Variants in SCFD2 observed in about 807,000 individuals in gnomAD.
SCFD2 encodes the protein sec1 family domain containing 2, also known as sec1 family domain-containing protein 2.
Under a neutral mutation model 58.9 loss-of-function variants are expected in SCFD2, and 54 were observed. The ratio of observed to expected loss-of-function variants is 0.92; its 90% CI spans 0.74 to 1.15. The LOEUF is 1.15. Among genes scored for constraint, SCFD2 ranks in the 50% most tolerant of loss-of-function variants. SCFD2 has a pLI of 0.00. For missense variants in SCFD2, 805 were observed against 836.6 expected, an observed-to-expected ratio of 0.96 and a Z score of 0.47; for synonymous variants, 321 against 335.9, an observed-to-expected ratio of 0.96 and a Z score of 0.49.
intron 5 of SCFD2, among the ~76,000 whole-genome samples, chr4:53,073,085 T>C (rs1278581150): frequency 6.8e-6 from 1 of 147,136 alleles, no homozygotes; most frequent in African/African-American, 2.7e-5. Context: ...ATGTACATAC[T>C]TTTTTTCCTT....
At chr4:53,094,083 G>T (rs1334796185) in intron 5 of SCFD2, among the ~76,000 whole-genome samples, 1 of 152,004 alleles carries the variant, frequency 6.6e-6, no homozygotes, top group Non-Finnish European at 1.5e-5. Flanking sequence ...CATTAGTAGG[G>T]GTATAACATT....
chr4:53,263,522 TG>T (rs1730890690), intron 4 of SCFD2, among the ~76,000 whole-genome samples: 1 of 152,192 alleles, frequency 6.6e-6, no homozygotes, highest in Admixed American at 6.5e-5. Context: ...TTTGCTCTTC[TG>T]GGTCTAGCCA....
At chr4:53,120,764 T>C (rs1725456302) in intron 5 of SCFD2, among the ~76,000 whole-genome samples, 2 of 152,054 alleles carry the variant, frequency 1.3e-5, no homozygotes. Flanking sequence ...AAGTTTAATG[T>C]CCCCCAGAAG....
intron 5 of SCFD2, among the ~76,000 whole-genome samples, chr4:53,045,560 A>G (rs1219720451): frequency 6.6e-6 from 1 of 152,188 alleles, no homozygotes; most frequent in East Asian, 1.9e-4. Flanking sequence ...CCTCTGTATA[A>G]TAAAACATAC....
chr4:53,250,806 T>C (rs1024277343), intron 4 of SCFD2, among the ~76,000 whole-genome samples: 11 of 152,196 alleles, frequency 7.2e-5, no homozygotes, highest in African/African-American at 2.4e-4. Context: ...AGATCTAAAA[T>C]TGACACCCTA....
At chr4:52,875,354 C>T (rs1206738619) in intron 8 of SCFD2, among the ~76,000 whole-genome samples, 2 of 152,226 alleles carry the variant, frequency 1.3e-5, no homozygotes, top group East Asian at 1.9e-4. Context: ...ATGTGCTTTG[C>T]AAGGGCCTGG....
Position 53,297,277 on chromosome 4 carries a change from C to A in SCFD2, c.1135+16359G>T, listed in dbSNP as rs149010928. On this transcript the variant is annotated intron_variant, in intron 3 of 8. Coordinates refer to ENST00000401642, the MANE Select transcript of SCFD2 (RefSeq NM_152540.4). The stretch of plus-strand genomic sequence containing the variant: ...ACTATTATTGTGTGGGAGTCTACAT[C>A]TCTTTGTAGGTCTCTAAGAACTTGC... Among the ~76,000 whole-genome samples the A allele has an allele frequency of 6.4e-4, 98 of 152,272 alleles. No individual in the cohort carries two copies. The East Asian group carries it at 0.016, about 25-fold the overall frequency.
intron 5 of SCFD2, among the ~76,000 whole-genome samples, chr4:52,988,833 A>T (rs73144995): frequency 0.015 from 2,285 of 152,236 alleles, 60 homozygotes; most frequent in African/African-American, 0.053. Context: ...CTCTAATTTA[A>T]TCTTGCTGTC....
At chr4:53,196,180 G>C (rs913570740) in intron 4 of SCFD2, among the ~76,000 whole-genome samples, 1 of 152,072 alleles carries the variant, frequency 6.6e-6, no homozygotes, top group Non-Finnish European at 1.5e-5. Context: ...AGAGTCTTTT[G>C]ACTCCTCTTT....
intron 5 of SCFD2, among the ~76,000 whole-genome samples, chr4:53,031,232 C>T (rs953913148): frequency 3.3e-5 from 5 of 152,180 alleles, no homozygotes; most frequent in South Asian, 2.1e-4. Context: ...AGAGCACATC[C>T]ACTCAAAGAC....
intron 5 of SCFD2, among the ~76,000 whole-genome samples, chr4:53,138,120 G>C (rs1725997983): frequency 6.6e-6 from 1 of 152,098 alleles, no homozygotes; most frequent in African/African-American, 2.4e-5. Context: ...TCATAATGGT[G>C]GTGGGAGAAA....
intron 5 of SCFD2, among the ~76,000 whole-genome samples, chr4:53,094,320 TC>T (rs1724556172): frequency 6.6e-6 from 1 of 152,018 alleles, no homozygotes. Flanking sequence ...AATTCTGGAG[TC>T]TAGAAGTCCA....
Position 52,920,786 on chromosome 4 carries a change from C to T in SCFD2, c.1646G>A (p.Gly549Glu), listed in dbSNP as rs983505033. 1 of 1,610,958 alleles carries T rather than the reference C, an allele frequency of 6.2e-7. No homozygotes were observed. The highest frequency in any genetic ancestry group is 1.3e-5 in the African/African-American group (1 of 74,710). The change falls in exon 6 of 9, where the codon GGA (glycine) becomes GAA (glutamate). Residue 549 changes from glycine (G) to glutamate (E), a missense_variant. Transcript: ENST00000401642. Reference sequence around the variant, plus strand: ...AAACTGTTTCAGGAGACTCCGAGCTCCAGCAATATCCCGAAGTGAAGTAAA... The same window carrying T: ...AAACTGTTTCAGGAGACTCCGAGCTTCAGCAATATCCCGAAGTGAAGTAAA... ...ELFTSLRDIA[G>E]ARSLLKQFKS...
chr4:52,971,821 G>C (rs1046152145), intron 5 of SCFD2, among the ~76,000 whole-genome samples: 1 of 152,164 alleles, frequency 6.6e-6, no homozygotes, highest in Non-Finnish European at 1.5e-5. Context: ...AGATCTCTCC[G>C]CAGAAACTCT....
chr4:53,118,132 C>T (rs549349737), intron 5 of SCFD2, among the ~76,000 whole-genome samples: 4 of 152,144 alleles, frequency 2.6e-5, no homozygotes, highest in Admixed American at 2.6e-4. Flanking sequence ...AAATGTGAGA[C>T]ACAAAAATGT....
chr4:53,123,835 G>C (rs1052760685), intron 5 of SCFD2, among the ~76,000 whole-genome samples: 1 of 152,160 alleles, frequency 6.6e-6, no homozygotes, highest in Non-Finnish European at 1.5e-5. Flanking sequence ...GGCCTCCTCA[G>C]CTTTCTGATT....
chr4:53,316,936 C>T (rs1373787942), intron 2 of SCFD2, among the ~76,000 whole-genome samples: 4 of 151,832 alleles, frequency 2.6e-5, no homozygotes, highest in African/African-American at 9.7e-5. Context: ...GGAGAAACCC[C>T]GCCCCTAATA....
At chr4:53,017,091 G>A (rs1433809727) in intron 5 of SCFD2, among the ~76,000 whole-genome samples, 1 of 149,184 alleles carries the variant, frequency 6.7e-6, no homozygotes, top group Admixed American at 6.6e-5. Flanking sequence ...CTGGGCAACA[G>A]AGCGAGACTC....
chr4:53,351,217 GA>G (rs1734210314), intron 2 of SCFD2, among the ~76,000 whole-genome samples: 1 of 152,218 alleles, frequency 6.6e-6, no homozygotes, highest in Admixed American at 6.5e-5. Flanking sequence ...GAACAGAGCA[GA>G]TGACAGAAGT....
Sources: gnomAD v4.1 joint callset for allele counts (sites outside exome capture counted in the v4.1 genomes callset) on GRCh38, gnomAD v4.1.1 for gene constraint, MANE v1.5 for transcripts, NCBI Gene and HGNC (gene_info 2026-07-23, HGNC 2026-07-21) for gene names.